EPHA3: variants seen among roughly 807,000 people sequenced by gnomAD.
EPHA3 encodes the protein ephrin type-A receptor 3.
Under a neutral mutation model 107.1 loss-of-function variants are expected in EPHA3, and 42 were observed. The observed-to-expected ratio is 0.39, with a 90% CI of 0.31 to 0.51. The LOEUF is 0.51. EPHA3 is among the 20% of genes least tolerant of loss of function. The pLI is 0.78. For synonymous variants in EPHA3, 461 were observed against 424.8 expected, an observed-to-expected ratio of 1.09 and a Z score of -1.05; for missense variants, 1,183 against 1,211.2, an observed-to-expected ratio of 0.98 and a Z score of 0.35.
chr3:89,258,423 G>A (rs1253731221), intron 3 of EPHA3, among the ~76,000 whole-genome samples: 1 of 152,168 alleles, frequency 6.6e-6, no homozygotes, highest in Non-Finnish European at 1.5e-5. Flanking sequence ...GTGTGATAAT[G>A]TTGTGCTTAT....
intron 3 of EPHA3, among the ~76,000 whole-genome samples, chr3:89,217,945 C>T (rs1340457108): frequency 6.6e-6 from 1 of 152,072 alleles, no homozygotes; most frequent in Non-Finnish European, 1.5e-5. Flanking sequence ...CTGATAGTTA[C>T]TGGAGAGGAA....
In EPHA3 at chr3:89,206,985, T is replaced by A. The variant is rs148118073; in HGVS notation, c.154-2875T>A. On this transcript the variant is annotated intron_variant, in intron 2 of 16. Coordinates refer to ENST00000336596, the MANE Select transcript of EPHA3 (RefSeq NM_005233.6). ...GTCAATTTTGCCTCCAGAAAATGAG[T>A]GCCTATCTTGTATTTTAGATCCTGA... Among the ~76,000 whole-genome samples, 1,011 of 152,226 alleles carry A rather than the reference T, an allele frequency of 6.6e-3. 8 individuals are homozygous for A. Among genetic ancestry groups the A allele is most frequent in the African/African-American group, 0.02 (837 of 41,532 alleles).
chr3:89,215,134 A>G (rs574806497), intron 3 of EPHA3, among the ~76,000 whole-genome samples: 7 of 151,896 alleles, frequency 4.6e-5, no homozygotes, highest in Admixed American at 1.3e-4. Flanking sequence ...GAGCTAACTT[A>G]TCTATTTACT....
chr3:89,354,048 C>A (rs1707891356), intron 5 of EPHA3, among the ~76,000 whole-genome samples: 1 of 151,300 alleles, frequency 6.6e-6, no homozygotes, highest in African/African-American at 2.4e-5. Context: ...AAGAATTAGA[C>A]TTTTGATGCT....
chr3:89,422,591 A>G (rs1263164081), intron 11 of EPHA3, among the ~76,000 whole-genome samples: 1 of 151,426 alleles, frequency 6.6e-6, no homozygotes, highest in Non-Finnish European at 1.5e-5. Context: ...CTAAAGATCA[A>G]ATGAGATTAC....
chr3:89,355,907 T>A (rs1707938408), intron 5 of EPHA3, among the ~76,000 whole-genome samples: 1 of 150,484 alleles, frequency 6.6e-6, no homozygotes, highest in East Asian at 1.9e-4. Flanking sequence ...TATGTATACA[T>A]GTGTCATGCT....
chr3:89,121,021 C>T (rs1261242879), intron 1 of EPHA3, among the ~76,000 whole-genome samples: 4 of 151,618 alleles, frequency 2.6e-5, no homozygotes, highest in East Asian at 2.0e-4. Context: ...CGGCGGTTCA[C>T]GAGGTCAGGA....
At chr3:89,359,497 AAGG>A (rs1487244817) in intron 5 of EPHA3, among the ~76,000 whole-genome samples, 1 of 150,404 alleles carries the variant, frequency 6.6e-6, no homozygotes, top group African/African-American at 2.4e-5. Flanking sequence ...GGTAGTACTT[AAGG>A]AGATTTTATA....
At chr3:89,112,959 C>T (rs1707148777) in intron 1 of EPHA3, among the ~76,000 whole-genome samples, 1 of 152,010 alleles carries the variant, frequency 6.6e-6, no homozygotes, top group Non-Finnish European at 1.5e-5. Context: ...AACCTTGTTC[C>T]TTTAATTCCT....
chr3:89,275,790 A>G (rs1249837570), intron 3 of EPHA3, among the ~76,000 whole-genome samples: 2 of 152,114 alleles, frequency 1.3e-5, no homozygotes, highest in African/African-American at 4.8e-5. Flanking sequence ...GGTTTATTTT[A>G]TTCATTGACT....
In EPHA3 at chr3:89,219,688, G is replaced by GTTTTTTTTTTTT; in HGVS notation, c.814+9171_814+9182dup. ...TTACCTCCAAGAGGCATTTGGCAATGTTTTTTTTTTTTTTGTTTTTTGTTT... is the reference window on the plus strand; with the variant it reads ...TTACCTCCAAGAGGCATTTGGCAATGTTTTTTTTTTTTTTTTTTTTTTTTTTGTTTTTTGTTT... On this transcript the variant is annotated intron_variant, in intron 3 of 16. Transcript: ENST00000336596. 3.8e-3 allele frequency among the ~76,000 whole-genome samples: 132 copies of GTTTTTTTTTTTT among 34,432 alleles called. 23 individuals are homozygous for GTTTTTTTTTTTT. Among genetic ancestry groups the GTTTTTTTTTTTT allele is most frequent in the East Asian group, 0.01 (12 of 1,166 alleles). 22.6% of individuals were successfully genotyped at this position (34,432 alleles called of 152,430 possible).
chr3:89,216,143 T>C (rs1704218915), intron 3 of EPHA3, among the ~76,000 whole-genome samples: 1 of 151,940 alleles, frequency 6.6e-6, no homozygotes, highest in South Asian at 2.1e-4. Flanking sequence ...CATTAAGCAG[T>C]TTATTTGTTT....
At chr3:89,336,024 T>C (rs983535929) in intron 3 of EPHA3, among the ~76,000 whole-genome samples, 1 of 152,232 alleles carries the variant, frequency 6.6e-6, no homozygotes, top group African/African-American at 2.4e-5. Context: ...GCTTTGTATT[T>C]TAAAATTTGT....
chr3:89,295,462 A>G (rs1192109481), intron 3 of EPHA3, among the ~76,000 whole-genome samples: 1 of 152,186 alleles, frequency 6.6e-6, no homozygotes, highest in Non-Finnish European at 1.5e-5. Flanking sequence ...TGTAGCATAT[A>G]ATGCCATTTA....
At chr3:89,332,235 C>T (rs1424901803) in intron 3 of EPHA3, among the ~76,000 whole-genome samples, 1 of 152,154 alleles carries the variant, frequency 6.6e-6, no homozygotes, top group African/African-American at 2.4e-5. Flanking sequence ...TGGCAAAACA[C>T]CACCATCCTC....
chr3:89,339,512 G>A (rs1386604311), intron 3 of EPHA3, among the ~76,000 whole-genome samples: 2 of 152,132 alleles, frequency 1.3e-5, no homozygotes, highest in Admixed American at 1.3e-4. Context: ...ATTCTTGGTA[G>A]GAACTAGAAA....
intron 3 of EPHA3, among the ~76,000 whole-genome samples, chr3:89,316,195 A>G (rs993384077): frequency 2.6e-5 from 4 of 151,718 alleles, no homozygotes; most frequent in Admixed American, 1.3e-4. Context: ...ATCACCCTGA[A>G]TTATAAATGT....
At chr3:89,460,406 C>A (rs556124792) in intron 15 of EPHA3, among the ~76,000 whole-genome samples, 57 of 152,312 alleles carry the variant, frequency 3.7e-4, no homozygotes, top group Non-Finnish European at 7.3e-4. Context: ...CAAGGTTCTG[C>A]AGACCCAATT....
intron 3 of EPHA3, among the ~76,000 whole-genome samples, chr3:89,219,727 G>T (rs1437990719): frequency 4.4e-4 from 4 of 9,070 alleles, no homozygotes; most frequent in Non-Finnish European, 8.9e-4. Flanking sequence ...TTTTTTTTTT[G>T]AGACGGAGTC....
Sources: gnomAD v4.1 joint callset for allele counts (sites outside exome capture counted in the v4.1 genomes callset) on GRCh38, gnomAD v4.1.1 for gene constraint, MANE v1.5 for transcripts, NCBI Gene and HGNC (gene_info 2026-07-23, HGNC 2026-07-21) for gene names.